Variants in EBF2 observed in about 807,000 individuals in gnomAD.
EBF2 encodes EBF transcription factor 2.
Under a neutral mutation model 72.8 loss-of-function variants are expected in EBF2, and 21 were observed. The observed-to-expected ratio is 0.29, with a 90% CI of 0.20 to 0.42. EBF2 has a LOEUF of 0.42. EBF2 is among the 10% of genes least tolerant of loss of function. The probability of loss-of-function intolerance (pLI) is 1.00; values close to 1 mark genes in which losing one functional copy is unlikely to be tolerated. For missense variants in EBF2, 637 were observed against 731.2 expected (o/e 0.87, Z 1.49); for synonymous variants, 299 against 274.2 (o/e 1.09, Z -0.89).
chr8:25,871,197 G>T (rs1350707718), intron 10 of EBF2, among the ~76,000 whole-genome samples: 1 of 151,922 alleles, frequency 6.6e-6, no homozygotes, highest in Non-Finnish European at 1.5e-5. Context: ...GGCGTTCTCT[G>T]GCTTTTCAGT....
chr8:25,867,896 A>T (rs1802362750), intron 10 of EBF2, among the ~76,000 whole-genome samples: 1 of 152,170 alleles, frequency 6.6e-6, no homozygotes, highest in Non-Finnish European at 1.5e-5. Flanking sequence ...TTCTAGAAAA[A>T]ATCATCCATT....
intron 10 of EBF2, among the ~76,000 whole-genome samples, chr8:25,880,918 C>T (rs944156162): frequency 6.6e-6 from 1 of 152,192 alleles, no homozygotes; most frequent in African/African-American, 2.4e-5. Context: ...AAACTATACC[C>T]ACCCAATTTT....
rs528419736 is a variant in EBF2, at chr8:26,044,598, C to A, written c.131+131G>T. ...CTGCTTGCCCGAGGGCGAGCCCCAG[C>A]GCGCAGGGCCTGGGCGACAGATGGG... On this transcript the variant is annotated intron_variant, in intron 1 of 15. Coordinates refer to ENST00000520164, the MANE Select transcript of EBF2 (RefSeq NM_022659.4). The surrounding 1 kb of genome is among the most constrained non-coding windows in gnomAD (Gnocchi z 4.1). The A allele has an allele frequency of 1.7e-4, 226 of 1,361,694 alleles. 4 individuals carry two copies. The South Asian group carries it at 2.8e-3, about 17-fold the overall frequency. The allele number at this position is 1,361,694 out of a possible 1,614,324, so 84.4% of individuals were successfully genotyped here.
chr8:25,872,201 C>A (rs1054002316), intron 10 of EBF2, among the ~76,000 whole-genome samples: 1 of 152,168 alleles, frequency 6.6e-6, no homozygotes, highest in Admixed American at 6.5e-5. Context: ...CTTGACACTG[C>A]AGGCTGGAGG....
intron 7 of EBF2, among the ~76,000 whole-genome samples, chr8:25,901,384 T>A (rs1802949573): frequency 6.8e-6 from 1 of 147,848 alleles, no homozygotes; most frequent in African/African-American, 2.5e-5. Context: ...ATTGTACCAC[T>A]GCACTCCAGC....
chr8:25,950,201 A>C (rs536893948), intron 6 of EBF2, among the ~76,000 whole-genome samples: 4 of 152,212 alleles, frequency 2.6e-5, no homozygotes, highest in Non-Finnish European at 5.9e-5. Flanking sequence ...TGTTCGCTAG[A>C]TTACATTACT....
chr8:26,039,944 T>A, intron 5 of EBF2, 84 bp downstream of exon 5: 10 of 1,471,200 alleles, frequency 6.8e-6, no homozygotes, highest in East Asian at 2.3e-5. Flanking sequence ...GTCCTGAAAG[T>A]TAGTCCCGGG....
rs1805681685 is a variant in EBF2 at position 26,045,100 on chromosome 8, C to G, written c.-241G>C. 2.4e-6 allele frequency: 1 copy of G among 424,320 alleles called. No individual in the cohort carries two copies. Among genetic ancestry groups the G allele is most frequent in the South Asian group, 3.0e-5 (1 of 33,022 alleles). 26.3% of individuals were successfully genotyped at this position (424,320 alleles called of 1,614,324 possible). On this transcript the variant is annotated 5_prime_UTR_variant, in exon 1 of 16. Coordinates refer to ENST00000520164, the MANE Select transcript of EBF2 (RefSeq NM_022659.4). Reference sequence around the variant, plus strand: ...CTCCGCAAGTTCAGATCTGCCGCCTCAGCCACTCCACCCTAGGTCGCTCGC... The same window carrying G: ...CTCCGCAAGTTCAGATCTGCCGCCTGAGCCACTCCACCCTAGGTCGCTCGC...
At chr8:25,884,287 G>A (rs73677235) in intron 10 of EBF2, among the ~76,000 whole-genome samples, 16,525 of 152,078 alleles carry the variant, frequency 0.11, 1,726 homozygotes, top group African/African-American at 0.27. Flanking sequence ...TGGACTGCCA[G>A]GCACTGCTCC....
intron 6 of EBF2, among the ~76,000 whole-genome samples, chr8:26,019,312 T>C (rs1225010524): frequency 1.4e-5 from 2 of 146,492 alleles, no homozygotes; most frequent in Non-Finnish European, 3.0e-5. Context: ...AAAAAAAAGG[T>C]TGGCTTTGGC....
At chr8:25,941,746 C>T (rs972461787) in intron 6 of EBF2, among the ~76,000 whole-genome samples, 3 of 152,286 alleles carry the variant, frequency 2.0e-5, no homozygotes, top group Admixed American at 6.5e-5. Flanking sequence ...GCCCGACCCA[C>T]ACCCATACCT....
intron 10 of EBF2, among the ~76,000 whole-genome samples, chr8:25,864,070 T>C (rs1253494775): frequency 6.6e-6 from 1 of 152,200 alleles, no homozygotes; most frequent in East Asian, 1.9e-4. Context: ...CTCACTATTA[T>C]AAATATCGAG....
chr8:25,867,581 G>A (rs1016441974), intron 10 of EBF2, among the ~76,000 whole-genome samples: 2 of 152,130 alleles, frequency 1.3e-5, no homozygotes, highest in African/African-American at 4.8e-5. Flanking sequence ...TCCTCAAGAT[G>A]GTTGCCAGGC....
chr8:25,997,857 A>C (rs548808063), intron 6 of EBF2, among the ~76,000 whole-genome samples: 1 of 152,328 alleles, frequency 6.6e-6, no homozygotes, highest in South Asian at 2.1e-4. Flanking sequence ...TTTCCTCTGC[A>C]TGAAACTGGG....
At chr8:26,042,045 G>C in intron 2 of EBF2, 50 bp downstream of exon 2, 3 of 1,594,866 alleles carry the variant, frequency 1.9e-6, no homozygotes, top group Non-Finnish European at 2.6e-6. Context: ...TTAGTGCTTC[G>C]CAAGAGGGAG....
chr8:26,015,155 G>C (rs1029210552), intron 6 of EBF2, among the ~76,000 whole-genome samples: 1 of 152,104 alleles, frequency 6.6e-6, no homozygotes, highest in Non-Finnish European at 1.5e-5. Flanking sequence ...CCAGGAAAAG[G>C]TCATGGTGCT....
At chr8:25,968,254 T>A (rs1804143030) in intron 6 of EBF2, among the ~76,000 whole-genome samples, 1 of 152,156 alleles carries the variant, frequency 6.6e-6, no homozygotes, top group Non-Finnish European at 1.5e-5. Flanking sequence ...GCAGTGCGAT[T>A]CACCATTGCC....
chr8:25,869,757 A>G (rs763228426), intron 10 of EBF2, among the ~76,000 whole-genome samples: 4 of 152,172 alleles, frequency 2.6e-5, no homozygotes, highest in Non-Finnish European at 4.4e-5. Context: ...GTAATATGCA[A>G]TAGTGAAAAT....
At chr8:25,968,271 T>C (rs1228062935) in intron 6 of EBF2, among the ~76,000 whole-genome samples, 1 of 152,036 alleles carries the variant, frequency 6.6e-6, no homozygotes, top group Non-Finnish European at 1.5e-5. Context: ...TGCCAAATGG[T>C]AGAAGCAACC....
Sources: allele counts gnomAD v4.1 joint callset (sites outside exome capture counted in the v4.1 genomes callset), GRCh38; gene constraint gnomAD v4.1.1; non-coding constraint Gnocchi (gnomAD v3.1); transcripts MANE v1.5; gene names NCBI Gene and HGNC (gene_info 2026-07-23, HGNC 2026-07-21).